The following NVL variants were observed in gnomAD, a reference collection of about 807,000 sequenced individuals.
The protein encoded by NVL is nuclear VCP like, also known as nuclear valosin-containing protein-like.
NVL carries 84 observed loss-of-function variants against 110.2 expected under a neutral mutation model. The observed-to-expected ratio is 0.76, with a 90% CI of 0.64 to 0.91. The LOEUF is 0.91. NVL is among the 40% of genes least tolerant of loss of function. The pLI is 0.00. For synonymous variants in NVL, 354 were observed against 361.1 expected, an observed-to-expected ratio of 0.98 and a Z score of 0.22; for missense variants, 882 against 1,035.9, an observed-to-expected ratio of 0.85 and a Z score of 2.04.
intron 19 of NVL, among the ~76,000 whole-genome samples, chr1:224,243,296 C>CAAA (rs543624741): frequency 3.6e-5 from 4 of 112,332 alleles, no homozygotes; most frequent in African/African-American, 1.3e-4. Flanking sequence ...CCTGTTTCTA[C>CAAA]AAAAAAAAAA....
intron 9 of NVL, 45 bp downstream of exon 9, chr1:224,303,678 T>C (rs764208049): frequency 1.1e-5 from 17 of 1,581,310 alleles, no homozygotes; most frequent in Non-Finnish European, 1.5e-5. Context: ...AAACAAATAA[T>C]AACAACAAAA....
At chr1:224,230,733 C>A (rs962118597) in intron 22 of NVL, among the ~76,000 whole-genome samples, 2 of 152,178 alleles carry the variant, frequency 1.3e-5, no homozygotes, top group East Asian at 1.9e-4. Flanking sequence ...ATTAAAATCT[C>A]TCAAGAACAT....
chr1:224,243,165 A>C (rs141839667), intron 19 of NVL, among the ~76,000 whole-genome samples: 1 of 152,058 alleles, frequency 6.6e-6, no homozygotes, highest in Non-Finnish European at 1.5e-5. Context: ...TCGACTGTGA[A>C]AAATTAATGA....
Position 224,311,819 on chromosome 1 carries a change from T to C in NVL, c.323A>G (p.Glu108Gly). The change falls in exon 5 of 23, where the codon GAA (glutamate) becomes GGA (glycine). Residue 108 changes from glutamate to glycine, a missense_variant. By Grantham distance (98) the Glu-to-Gly change is moderately conservative (BLOSUM62 -2). This residue lies in a region of NVL where 274 missense variants were observed against 268.4 expected (regional missense o/e 1.02). Coordinates refer to ENST00000281701, the MANE Select transcript of NVL (RefSeq NM_002533.4). ...GCTTACCTGTGGATCTGGGTAGTCT[T>C]CCATACTTGAATCATCATCAGAATA... ...ESYSDDDSSMEDYPDPQSANH... is the reference protein window; with the variant it reads ...ESYSDDDSSMGDYPDPQSANH... The C allele has an allele frequency of 6.2e-7, 1 of 1,613,748 alleles. No individual in the cohort carries two copies. Among genetic ancestry groups the C allele is most frequent in the Non-Finnish European group, 8.5e-7 (1 of 1,179,660 alleles).
At chr1:224,311,170 A>G (rs1572036799) in intron 5 of NVL, among the ~76,000 whole-genome samples, 1 of 151,444 alleles carries the variant, frequency 6.6e-6, no homozygotes, top group Non-Finnish European at 1.5e-5. Flanking sequence ...TGATCCTCCC[A>G]CCTCAGCTTC....
intron 15 of NVL, among the ~76,000 whole-genome samples, chr1:224,283,518 T>G (rs1313874223): frequency 1.3e-5 from 2 of 151,934 alleles, no homozygotes; most frequent in African/African-American, 2.4e-5. Flanking sequence ...GAAATCTGAC[T>G]AAACAGAGTG....
At chr1:224,227,700 G>T in intron 22 of NVL, 30 bp from the exon 23 acceptor site, 1 of 1,599,274 alleles carries the variant, frequency 6.3e-7, no homozygotes, top group South Asian at 1.1e-5. Flanking sequence ...AGAATACAGA[G>T]ACCGTCACTG....
chr1:224,320,329 GTAC>G (rs1670518418), intron 2 of NVL, among the ~76,000 whole-genome samples: 1 of 152,156 alleles, frequency 6.6e-6, no homozygotes, highest in African/African-American at 2.4e-5. Flanking sequence ...GGTGTTCTTT[GTAC>G]TATTTTTTCC....
intron 5 of NVL, 93 bp from the exon 6 acceptor site, chr1:224,308,356 T>C (rs1669141899): frequency 2.5e-6 from 3 of 1,209,408 alleles, no homozygotes; most frequent in Non-Finnish European, 3.4e-6. Flanking sequence ...TTCTATATTT[T>C]GTTTTTTAAC....
At chr1:224,322,079 T>C (rs1248929527) in intron 2 of NVL, among the ~76,000 whole-genome samples, 1 of 151,488 alleles carries the variant, frequency 6.6e-6, no homozygotes, top group Non-Finnish European at 1.5e-5. Context: ...CTTAGTTTAG[T>C]CTTTATTTTT....
intron 20 of NVL, among the ~76,000 whole-genome samples, chr1:224,234,964 G>A (rs1248291738): frequency 6.6e-6 from 1 of 151,972 alleles, no homozygotes; most frequent in Non-Finnish European, 1.5e-5. Context: ...ACTTAAAGCT[G>A]TATTATTATT....
intron 19 of NVL, among the ~76,000 whole-genome samples, chr1:224,244,619 A>G (rs1311121628): frequency 6.9e-6 from 1 of 145,836 alleles, no homozygotes; most frequent in Non-Finnish European, 1.5e-5. Context: ...CTACAGGCGC[A>G]TGCCACCACG....
intron 12 of NVL, among the ~76,000 whole-genome samples, chr1:224,293,715 T>C (rs954022535): frequency 6.6e-6 from 1 of 152,236 alleles, no homozygotes; most frequent in Non-Finnish European, 1.5e-5. Flanking sequence ...TGCAAGCCAT[T>C]GTTAATAAGA....
At chr1:224,254,685 G>A (rs1243284166) in intron 18 of NVL, among the ~76,000 whole-genome samples, 1 of 151,704 alleles carries the variant, frequency 6.6e-6, no homozygotes, top group Non-Finnish European at 1.5e-5. Context: ...AAAGTGGTGG[G>A]ATTACAGGCG....
At chr1:224,324,625 G>C (rs1038388109) in intron 2 of NVL, among the ~76,000 whole-genome samples, 3 of 151,998 alleles carry the variant, frequency 2.0e-5, no homozygotes, top group African/African-American at 7.3e-5. Flanking sequence ...GTAGAGATGG[G>C]GTCTCACTAT....
intron 4 of NVL, among the ~76,000 whole-genome samples, chr1:224,315,091 T>A (rs1244865332): frequency 6.6e-6 from 1 of 150,532 alleles, no homozygotes. Flanking sequence ...GGCCTCACTC[T>A]CTCACCCAGG....
chr1:224,278,168 T>C (rs917870716), intron 16 of NVL, among the ~76,000 whole-genome samples: 12 of 151,842 alleles, frequency 7.9e-5, no homozygotes, highest in African/African-American at 2.9e-4. Flanking sequence ...TAAAATGTCC[T>C]AGAGTGAACT....
intron 4 of NVL, chr1:224,312,776 G>C (rs563641293): frequency 2.1e-5 from 3 of 146,016 alleles, no homozygotes; most frequent in African/African-American, 7.7e-5. Context: ...AGCCAAGATC[G>C]TGCCACTACA....
At position 224,308,054 on chromosome 1, in the gene NVL, G is replaced by T. The variant is rs1198624552; in HGVS notation, c.552C>A (p.Asp184Glu). The change falls in exon 6 of 23, where the codon GAC becomes GAA. Residue 184 changes from aspartate (D) to glutamate (E), a missense_variant. Physicochemically the swap from Asp to Glu is conservative, Grantham distance 45. Around this residue, in one of 4 missense-constraint regions of NVL, gnomAD observed 274 missense variants for 268.4 expected, o/e 1.02. Transcript: ENST00000281701. The part of the protein sequence containing the change: ...FIDKTPSVKK[D>E]SFFLDLSCEK... ...CACATGACAGGTCCAAGAAAAAACT[G>T]TCTTTCTTTACACTTGGGGTTTTGT... 6.3e-7 allele frequency: 1 copy of T among 1,595,870 alleles called. No homozygotes were observed. The highest frequency in any genetic ancestry group is 1.8e-5 in the Admixed American group (1 of 55,328).
Sources: allele counts gnomAD v4.1 joint callset (sites outside exome capture counted in the v4.1 genomes callset), GRCh38; gene constraint gnomAD v4.1.1; regional missense constraint gnomAD v4.1.1; transcripts MANE v1.5; gene names NCBI Gene and HGNC (gene_info 2026-07-23, HGNC 2026-07-21).